The following AFF2 variants were observed in gnomAD, a reference collection of about 807,000 sequenced individuals.
AFF2 encodes ALF transcription elongation factor 2, also known as AF4/FMR2 family member 2.
A neutral mutation model predicts 76.9 loss-of-function variants in AFF2; 14 were observed. That is an observed-to-expected ratio of 0.18 (90% CI 0.12 to 0.28). The LOEUF (loss-of-function observed/expected upper bound fraction) is 0.28. Among genes scored for constraint, AFF2 ranks in the 10% least tolerant of loss-of-function variants. AFF2 has a pLI of 1.00. For synonymous variants in AFF2, 398 were observed against 366.7 expected, an observed-to-expected ratio of 1.09 and a Z score of -0.98; for missense variants, 868 against 1,001.1, an observed-to-expected ratio of 0.87 and a Z score of 1.79.
chrX:148,564,360 A>G (rs929087148), intron 1 of AFF2, among the ~76,000 whole-genome samples: 6 of 109,856 alleles, frequency 5.5e-5, no homozygotes, highest in Non-Finnish European at 1.1e-4. Flanking sequence ...CAAAATGCCT[A>G]TGTAATTGTA....
chrX:148,680,196 C>A (rs992867741), intron 3 of AFF2, among the ~76,000 whole-genome samples: 5 of 112,057 alleles, frequency 4.5e-5, no homozygotes, highest in Non-Finnish European at 7.5e-5. Context: ...GAAGAGATGA[C>A]TGGATTTTTG....
chrX:148,581,398 A>C (rs375187225), intron 1 of AFF2, among the ~76,000 whole-genome samples: 867 of 74,406 alleles, frequency 0.012, 114 homozygotes, highest in South Asian at 0.079. Flanking sequence ...GTATATACGT[A>C]TACGTGTACA....
At chrX:148,694,682 A>C (rs2054693311) in intron 3 of AFF2, among the ~76,000 whole-genome samples, 1 of 112,021 alleles carries the variant, frequency 8.9e-6, no homozygotes, top group Admixed American at 9.5e-5. Context: ...AATGTCATTT[A>C]ATTTAATGAG....
intron 9 of AFF2, among the ~76,000 whole-genome samples, chrX:148,950,232 C>T (rs1000553706): frequency 1.8e-5 from 2 of 112,105 alleles, no homozygotes; most frequent in Non-Finnish European, 3.8e-5. Context: ...CCCAACCGGG[C>T]GCAAGGTAGG....
chrX:148,687,041 T>C (rs991186116), intron 3 of AFF2, among the ~76,000 whole-genome samples: 20 of 111,851 alleles, frequency 1.8e-4, no homozygotes, highest in Admixed American at 1.3e-3. Context: ...AGGATTGATA[T>C]AGTCTCTATA....
intron 1 of AFF2, among the ~76,000 whole-genome samples, chrX:148,562,129 C>T (rs2053120004): frequency 8.9e-6 from 1 of 112,334 alleles, no homozygotes; most frequent in Non-Finnish European, 1.9e-5. Flanking sequence ...TTTAAGACAA[C>T]AGTTATGCCA....
rs781892811 is a variant in AFF2 at position 148,962,192 on chromosome X, C to T, written c.2691-523C>T. Among the ~76,000 whole-genome samples, 8 of 112,613 alleles carry T rather than the reference C, an allele frequency of 7.1e-5. No individual in the cohort carries two copies. In the East Asian group the frequency reaches 1.9e-3, roughly 27 times the overall value. The stretch of plus-strand genomic sequence containing the variant: ...TGTATATACAATTTGCAATGTATGT[C>T]GCAATACTATTTAGTGCATTATTTA... On this transcript the variant is annotated intron_variant, in intron 12 of 20. Coordinates refer to ENST00000370460, the MANE Select transcript of AFF2 (RefSeq NM_002025.4).
chrX:148,935,798 A>G (rs2071768518), intron 9 of AFF2, among the ~76,000 whole-genome samples: 1 of 111,616 alleles, frequency 9.0e-6, no homozygotes, highest in Admixed American at 9.5e-5. Context: ...CTGGCTGACA[A>G]AAGCAGAATT....
At chrX:148,653,304 A>G (rs1557256634) in intron 2 of AFF2, among the ~76,000 whole-genome samples, 1 of 112,177 alleles carries the variant, frequency 8.9e-6, no homozygotes, top group Non-Finnish European at 1.9e-5. Flanking sequence ...TAGATATATA[A>G]TTGGTTTAAC....
chrX:148,988,712 C>G (rs1203330962), intron 20 of AFF2, among the ~76,000 whole-genome samples: 1 of 111,988 alleles, frequency 8.9e-6, no homozygotes, highest in Non-Finnish European at 1.9e-5. Context: ...AAAGCACATT[C>G]CATAATTTGA....
chrX:148,558,961 T>C (rs1004329944), intron 1 of AFF2, among the ~76,000 whole-genome samples: 3 of 111,345 alleles, frequency 2.7e-5, no homozygotes, highest in Non-Finnish European at 5.7e-5. Context: ...TCTTCCATTC[T>C]CAGCTGTTGG....
chrX:148,516,692 C>T (rs2052538865), intron 1 of AFF2, among the ~76,000 whole-genome samples: 1 of 111,886 alleles, frequency 8.9e-6, no homozygotes, highest in African/African-American at 3.3e-5. Flanking sequence ...GAGGTTGAGT[C>T]ACTTGCTTAA....
intron 3 of AFF2, among the ~76,000 whole-genome samples, chrX:148,799,434 T>TTG (rs1569555712): frequency 9.0e-6 from 1 of 111,662 alleles, no homozygotes; most frequent in East Asian, 2.8e-4. Flanking sequence ...AAAATGGAGG[T>TTG]TGTCTTTCAA....
intron 3 of AFF2, among the ~76,000 whole-genome samples, chrX:148,789,409 C>G (rs1014129006): frequency 1.2e-4 from 13 of 111,522 alleles, no homozygotes; most frequent in Non-Finnish European, 2.3e-4. Flanking sequence ...CACTGAAAAA[C>G]TCTCTGAGAT....
intron 3 of AFF2, among the ~76,000 whole-genome samples, chrX:148,734,361 T>C (rs782367637): frequency 8.9e-6 from 1 of 111,872 alleles, no homozygotes; most frequent in Admixed American, 9.5e-5. Flanking sequence ...CATTATCTCA[T>C]GTGTACCTCC....
At chrX:148,618,978 TG>T (rs1307877097) in intron 1 of AFF2, among the ~76,000 whole-genome samples, 1 of 111,448 alleles carries the variant, frequency 9.0e-6, no homozygotes, top group African/African-American at 3.3e-5. Flanking sequence ...TGATGCAACC[TG>T]TCCAGAGGCC....
intron 3 of AFF2, among the ~76,000 whole-genome samples, chrX:148,664,811 A>G (rs1557258275): frequency 8.9e-6 from 1 of 112,434 alleles, no homozygotes; most frequent in African/African-American, 3.2e-5. Flanking sequence ...AATGTGAACA[A>G]TTGCTAGGAA....
chrX:148,534,474 C>T (rs1557236304), intron 1 of AFF2, among the ~76,000 whole-genome samples: 2 of 112,960 alleles, frequency 1.8e-5, no homozygotes, highest in African/African-American at 6.4e-5. Context: ...TTGGCTCAAA[C>T]TGTGGCACTG....
intron 1 of AFF2, among the ~76,000 whole-genome samples, chrX:148,555,809 A>G (rs987446843): frequency 1.8e-4 from 20 of 112,607 alleles, no homozygotes; most frequent in Non-Finnish European, 2.8e-4. Flanking sequence ...TTCAGTTTTT[A>G]TGCATCTGAT....
Sources: gnomAD v4.1 joint callset for allele counts (sites outside exome capture counted in the v4.1 genomes callset) on GRCh38, gnomAD v4.1.1 for gene constraint, MANE v1.5 for transcripts, NCBI Gene and HGNC (gene_info 2026-07-23, HGNC 2026-07-21) for gene names.